MELK: variants seen among roughly 807,000 people sequenced by gnomAD.
The protein encoded by MELK is maternal embryonic leucine zipper kinase.
In MELK, 81 loss-of-function variants were observed where a neutral mutation model predicts 85.0. The observed-to-expected ratio is 0.95, with a 90% CI of 0.80 to 1.15. The LOEUF (loss-of-function observed/expected upper bound fraction) is 1.15, where lower values mean the gene tolerates loss of function less well. MELK is among the 50% of genes most tolerant of loss of function. MELK has a pLI of 0.00. For synonymous variants in MELK, 252 were observed against 265.0 expected (o/e 0.95, Z 0.48); for missense variants, 754 against 777.5 (o/e 0.97, Z 0.36).
intron 1 of MELK, among the ~76,000 whole-genome samples, chr9:36,575,004 C>T (rs959812405): frequency 6.6e-6 from 1 of 152,086 alleles, no homozygotes; most frequent in African/African-American, 2.4e-5. Flanking sequence ...GGCGTGGTGG[C>T]GCACACCTGT....
chr9:36,663,757 A>G (rs955972617), intron 13 of MELK, among the ~76,000 whole-genome samples: 16 of 152,224 alleles, frequency 1.1e-4, no homozygotes, highest in Non-Finnish European at 1.6e-4. Context: ...CTGTCTGTCT[A>G]TCTATCTCAC....
chr9:36,602,139 A>C (rs552663479), intron 7 of MELK, among the ~76,000 whole-genome samples: 1 of 152,124 alleles, frequency 6.6e-6, no homozygotes, highest in South Asian at 2.1e-4. Flanking sequence ...ATTTTGTGGA[A>C]TCTCCATACT....
rs140459032 is a variant in MELK, at chr9:36,638,450, T to C, written c.835-4547T>C. Among the ~76,000 whole-genome samples, 1,486 of 152,182 alleles carry C rather than the reference T, an allele frequency of 9.8e-3. 74 individuals are homozygous for C. The highest frequency in any genetic ancestry group is 0.086 in the East Asian group (445 of 5,164). On this transcript the variant is annotated intron_variant, in intron 10 of 17. Transcript: ENST00000298048. ...ACAGGCATGCGCCACCACGCCCAGC[T>C]AATTTTGTATTTTTAGTAGAGACGG...
chr9:36,665,336 CT>C lies in MELK; in HGVS notation c.1177-5del, dbSNP rs200881299. Reference sequence around the variant, plus strand: ...TTCTTCAGTGTGCTTTATCTAGTAACTTTTTTTTTCCAGTTTACCAAGTACT... The same window carrying C: ...TTCTTCAGTGTGCTTTATCTAGTAACTTTTTTTTCCAGTTTACCAAGTACT... On this transcript the variant is annotated splice_polypyrimidine_tract_variant and intron_variant, in intron 13 of 17. Coordinates refer to ENST00000298048, the MANE Select transcript of MELK (RefSeq NM_014791.4). 0.03 allele frequency: 45,161 copies of C among 1,527,964 alleles called. 781 individuals are homozygous for C. Among genetic ancestry groups the C allele is most frequent in the South Asian group, 0.047 (3,936 of 83,682 alleles). The allele number at this position is 1,527,964 out of a possible 1,614,324, so 94.7% of individuals were successfully genotyped here.
intron 5 of MELK, among the ~76,000 whole-genome samples, chr9:36,596,572 G>GT (rs1329869246): frequency 4.7e-4 from 45 of 96,108 alleles, no homozygotes; most frequent in South Asian, 3.4e-3. Context: ...TGTTTTTTTT[G>GT]TTTTTTTTGT....
intron 12 of MELK, among the ~76,000 whole-genome samples, chr9:36,654,040 CTGT>C (rs1830978834): frequency 6.6e-6 from 1 of 151,690 alleles, no homozygotes; most frequent in South Asian, 2.1e-4. Context: ...GTTTTCTAGT[CTGT>C]TGTTGGAGAG....
Position 36,677,165 on chromosome 9 carries a change from C to G in MELK, c.1784C>G (p.Thr595Arg). Residue 595 changes from threonine (T) to arginine (R), a missense_variant, in exon 18 of 18, where the codon ACA (threonine) becomes AGA (arginine). Physicochemically the swap from Thr to Arg is moderately conservative, Grantham distance 71 (BLOSUM62 -1). Transcript: ENST00000298048. ...KHVDFVQKGY[T>R]LKCQTQSDFG... ...TCTTATCTTGTTTTTCACAGTTATACACTGAAGTGTCAAACACAGTCAGAT... is the reference window on the plus strand; with the variant it reads ...TCTTATCTTGTTTTTCACAGTTATAGACTGAAGTGTCAAACACAGTCAGAT... The G allele has an allele frequency of 6.2e-7, 1 of 1,613,256 alleles. No homozygotes were observed. The highest frequency in any genetic ancestry group is 2.2e-5 in the East Asian group (1 of 44,886).
intron 13 of MELK, among the ~76,000 whole-genome samples, chr9:36,658,643 A>G (rs1831488046): frequency 6.6e-6 from 1 of 152,066 alleles, no homozygotes; most frequent in African/African-American, 2.4e-5. Context: ...TTCTTCAAGG[A>G]CAATTTCCAT....
chr9:36,656,674 C>G (rs1392206941), intron 12 of MELK, among the ~76,000 whole-genome samples: 3 of 151,664 alleles, frequency 2.0e-5, no homozygotes, highest in African/African-American at 7.3e-5. Flanking sequence ...ATTACCCAGG[C>G]TGGAGTGCAG....
chr9:36,667,686 G>T (rs1159249518), intron 14 of MELK, among the ~76,000 whole-genome samples: 1 of 152,178 alleles, frequency 6.6e-6, no homozygotes, highest in Non-Finnish European at 1.5e-5. Flanking sequence ...GAAGCAAGTG[G>T]CTGAAGCCAT....
intron 12 of MELK, among the ~76,000 whole-genome samples, chr9:36,653,809 A>G (rs1830951699): frequency 6.6e-6 from 1 of 152,022 alleles, no homozygotes; most frequent in South Asian, 2.1e-4. Context: ...AAATGTTAAA[A>G]TGCCACCTCT....
At chr9:36,606,681 A>G (rs1825573419) in intron 7 of MELK, 2 of 147,488 alleles carry the variant, frequency 1.4e-5, no homozygotes, top group African/African-American at 5.0e-5. Flanking sequence ...GGACATATAT[A>G]TGTATACATG....
chr9:36,665,426 A>G lies in MELK; in HGVS notation c.1253A>G (p.Asn418Ser). The G allele has an allele frequency of 2.5e-6, 4 of 1,613,734 alleles. No homozygotes were observed. Among genetic ancestry groups the G allele is most frequent in the Non-Finnish European group, 3.4e-6 (4 of 1,179,720 alleles). Residue 418 changes from asparagine (N) to serine (S), a missense_variant, in exon 14 of 18, where the codon AAT (asparagine) becomes AGT (serine). By Grantham distance (46) the Asn-to-Ser change is conservative. Transcript: ENST00000298048. The stretch of plus-strand genomic sequence containing the variant: ...CCAGCCTTATGCAGAACACCTGCAA[A>G]TAAATTAAAGAACAAAGAAAATGTA... ...LTPALCRTPA[N>S]KLKNKENVYT...
intron 7 of MELK, among the ~76,000 whole-genome samples, chr9:36,604,653 C>CT (rs796125132): frequency 8.3e-4 from 124 of 150,176 alleles, no homozygotes; most frequent in African/African-American, 3.0e-3. Context: ...ATGCCTGACC[C>CT]TTTTTTTTGA....
At chr9:36,659,300 G>A (rs1271216542) in intron 13 of MELK, among the ~76,000 whole-genome samples, 2 of 152,192 alleles carry the variant, frequency 1.3e-5, no homozygotes, top group Non-Finnish European at 2.9e-5. Flanking sequence ...ACAGGCATGA[G>A]CCACCGTGCC....
At chr9:36,623,570 G>C (rs1827649596) in intron 8 of MELK, among the ~76,000 whole-genome samples, 1 of 152,202 alleles carries the variant, frequency 6.6e-6, no homozygotes, top group Admixed American at 6.5e-5. Context: ...GGACATTGCA[G>C]GAGGTGATGT....
At chr9:36,585,790 T>C (rs1296815031) in intron 3 of MELK, among the ~76,000 whole-genome samples, 1 of 151,900 alleles carries the variant, frequency 6.6e-6, no homozygotes, top group Non-Finnish European at 1.5e-5. Context: ...AAAAAAAATT[T>C]AGCCAGGTGT....
rs201827995 is a variant in MELK, at chr9:36,657,399, A to G, written c.1176+36A>G. On this transcript the variant is annotated intron_variant, in intron 13 of 17. Coordinates refer to ENST00000298048, the MANE Select transcript of MELK (RefSeq NM_014791.4). ...CTTATTACTATTTAAGGCAGAATCT[A>G]TTGTTTCAATTATAAAAACAACCAG... The G allele has an allele frequency of 7.1e-6, 11 of 1,548,912 alleles. No individual in the cohort carries two copies. The East Asian group carries it at 2.5e-4, about 35-fold the overall frequency.
chr9:36,638,892 A>G (rs1829472527), intron 10 of MELK, among the ~76,000 whole-genome samples: 1 of 152,218 alleles, frequency 6.6e-6, no homozygotes, highest in African/African-American at 2.4e-5. Context: ...GTAAGTGTAG[A>G]ACCAGGATTT....
Sources: allele counts gnomAD v4.1 joint callset (sites outside exome capture counted in the v4.1 genomes callset), GRCh38; gene constraint gnomAD v4.1.1; transcripts MANE v1.5; gene names NCBI Gene and HGNC (gene_info 2026-07-23, HGNC 2026-07-21).